SGCZ: variants seen among roughly 807,000 people sequenced by gnomAD.
SGCZ encodes sarcoglycan zeta, also known as zeta-sarcoglycan.
A neutral mutation model predicts 41.3 loss-of-function variants in SGCZ; 40 were observed. The observed-to-expected ratio is 0.97, with a 90% CI of 0.75 to 1.26. SGCZ has a LOEUF of 1.26. Among genes scored for constraint, SGCZ ranks in the 50% most tolerant of loss-of-function variants. The probability of loss-of-function intolerance (pLI) is 0.00; values close to 1 mark genes in which losing one functional copy is unlikely to be tolerated. For missense variants in SGCZ, 552 were observed against 369.8 expected, an observed-to-expected ratio of 1.49 and a Z score of -4.04; for synonymous variants, 206 against 137.5, an observed-to-expected ratio of 1.50 and a Z score of -3.49.
chr8:14,523,269 C>G (rs1239892404), intron 2 of SGCZ, among the ~76,000 whole-genome samples: 3 of 151,944 alleles, frequency 2.0e-5, no homozygotes, highest in Non-Finnish European at 4.4e-5. Flanking sequence ...TTCATTCTTA[C>G]TCTTGATATT....
At chr8:14,112,453 G>A (rs530982465) in intron 5 of SGCZ, among the ~76,000 whole-genome samples, 2 of 152,062 alleles carry the variant, frequency 1.3e-5, no homozygotes, top group South Asian at 2.1e-4. Context: ...CAGGTCCAGG[G>A]ATATTTTTCT....
intron 1 of SGCZ, among the ~76,000 whole-genome samples, chr8:14,598,305 C>T (rs575881944): frequency 1.4e-4 from 21 of 151,632 alleles, no homozygotes; most frequent in African/African-American, 4.1e-4. Flanking sequence ...TGTTTTCTTG[C>T]GAGTTTGCAT....
intron 1 of SGCZ, among the ~76,000 whole-genome samples, chr8:14,722,919 T>G (rs1553829): frequency 0.3 from 45,203 of 151,998 alleles, 7,148 homozygotes; most frequent in East Asian, 0.42. Flanking sequence ...AAGAAAAAAC[T>G]AGAATTTAAT....
At chr8:14,620,543 G>A (rs966426999) in intron 1 of SGCZ, among the ~76,000 whole-genome samples, 1 of 151,934 alleles carries the variant, frequency 6.6e-6, no homozygotes, top group African/African-American at 2.4e-5. Flanking sequence ...CTACTTATCT[G>A]ACAAAGGGCT....
intron 1 of SGCZ, among the ~76,000 whole-genome samples, chr8:14,724,688 G>GATATATAT (rs143980961): frequency 0.03 from 4,528 of 148,720 alleles, 110 homozygotes; most frequent in Non-Finnish European, 0.049. Context: ...ATCACTAAGT[G>GATATATAT]ATATATATAT....
At chr8:14,613,721 A>G (rs1046440431) in intron 1 of SGCZ, among the ~76,000 whole-genome samples, 4 of 142,344 alleles carry the variant, frequency 2.8e-5, no homozygotes, top group Non-Finnish European at 4.7e-5. Context: ...TGCAAATTCC[A>G]AAGATTTAGA....
intron 1 of SGCZ, among the ~76,000 whole-genome samples, chr8:14,664,536 G>C (rs1807847632): frequency 6.6e-6 from 1 of 152,106 alleles, no homozygotes; most frequent in Admixed American, 6.6e-5. Context: ...TTTGAGCAGA[G>C]AACAAAACAC....
chr8:15,035,176 G>A (rs1046944655), intron 1 of SGCZ, among the ~76,000 whole-genome samples: 1 of 152,010 alleles, frequency 6.6e-6, no homozygotes, highest in Non-Finnish European at 1.5e-5. Context: ...AATATAAAGA[G>A]GTGTCAACTG....
chr8:14,153,886 G>T (rs901545953), intron 5 of SGCZ, among the ~76,000 whole-genome samples: 3 of 149,726 alleles, frequency 2.0e-5, no homozygotes, highest in African/African-American at 7.5e-5. Context: ...GAGACACCAG[G>T]TCGGTCAGTC....
At chr8:14,102,560 A>G in intron 6 of SGCZ, 61 bp from the exon 7 acceptor site, 8 of 1,275,402 alleles carry the variant, frequency 6.3e-6, no homozygotes, top group Non-Finnish European at 8.0e-6. Flanking sequence ...CATTAATAGA[A>G]AAAAGAAAAT....
rs550445182 is a variant in SGCZ, at chr8:15,222,728, A to T, written c.39+14857T>A. ...TCATGATGCTCTTTATGGCTTCCAA[A>T]ACTTTCATTTATCAAGCTTAAACAC... On this transcript the variant is annotated intron_variant, in intron 1 of 7. Transcript: ENST00000382080. Among the ~76,000 whole-genome samples the T allele has an allele frequency of 2.1e-4, 32 of 152,136 alleles. No individual in the cohort carries two copies. In the East Asian group the frequency reaches 6.2e-3, roughly 29 times the overall value.
chr8:15,069,427 G>C (rs10503526), intron 1 of SGCZ, among the ~76,000 whole-genome samples: 11,797 of 152,152 alleles, frequency 0.078, 700 homozygotes, highest in African/African-American at 0.16. Flanking sequence ...TGCATGTAAG[G>C]GTTGTATTTT....
intron 1 of SGCZ, among the ~76,000 whole-genome samples, chr8:15,208,623 G>C (rs1319147395): frequency 6.6e-6 from 1 of 152,150 alleles, no homozygotes; most frequent in East Asian, 1.9e-4. Context: ...CTGTAAGGTA[G>C]GAATTATTAG....
At chr8:14,530,195 A>G (rs1260106360) in intron 2 of SGCZ, among the ~76,000 whole-genome samples, 1 of 151,998 alleles carries the variant, frequency 6.6e-6, no homozygotes, top group Non-Finnish European at 1.5e-5. Context: ...AAGAGGCCTA[A>G]GCTAAAAATT....
chr8:14,457,188 T>G (rs1209363758), intron 2 of SGCZ, among the ~76,000 whole-genome samples: 1 of 152,226 alleles, frequency 6.6e-6, no homozygotes, highest in Admixed American at 6.5e-5. Context: ...ATGATAATCC[T>G]CGCTCTATAA....
chr8:14,238,675 T>A (rs1806856033), intron 3 of SGCZ, among the ~76,000 whole-genome samples: 1 of 152,154 alleles, frequency 6.6e-6, no homozygotes, highest in Non-Finnish European at 1.5e-5. Flanking sequence ...AGTAGGGTGA[T>A]CATTTACAAA....
At chr8:14,736,090 T>G (rs1263560824) in intron 1 of SGCZ, among the ~76,000 whole-genome samples, 2 of 152,166 alleles carry the variant, frequency 1.3e-5, no homozygotes, top group East Asian at 3.9e-4. Context: ...CTACAGATTA[T>G]AGACTATCAT....
chr8:14,460,477 G>C (rs1479817503), intron 2 of SGCZ, among the ~76,000 whole-genome samples: 1 of 152,132 alleles, frequency 6.6e-6, no homozygotes, highest in Admixed American at 6.6e-5. Flanking sequence ...TGCAGGGTAT[G>C]GAAAGGCAGT....
intron 1 of SGCZ, among the ~76,000 whole-genome samples, chr8:14,833,703 T>C (rs62493315): frequency 0.23 from 34,655 of 152,004 alleles, 4,838 homozygotes; most frequent in Middle Eastern, 0.33. Flanking sequence ...ATTTTTCTGC[T>C]ATAGGAAGAA....
Sources: allele counts gnomAD v4.1 joint callset (sites outside exome capture counted in the v4.1 genomes callset), GRCh38; gene constraint gnomAD v4.1.1; transcripts MANE v1.5; gene names NCBI Gene and HGNC (gene_info 2026-07-23, HGNC 2026-07-21).